The following CEMIP variants were observed in gnomAD, a reference collection of about 807,000 sequenced individuals.
The protein encoded by CEMIP is cell migration-inducing and hyaluronan-binding protein.
A neutral mutation model predicts 156.9 loss-of-function variants in CEMIP; 105 were observed. The ratio of observed to expected loss-of-function variants is 0.67; its 90% CI spans 0.57 to 0.79. The LOEUF (loss-of-function observed/expected upper bound fraction) is 0.79, where lower values mean the gene tolerates loss of function less well. CEMIP is among the 30% of genes least tolerant of loss of function. The pLI, the probability that CEMIP is intolerant of heterozygous loss-of-function variation, is 0.00. For missense variants in CEMIP, 1,457 were observed against 1,769.4 expected (o/e 0.82, Z 3.17); for synonymous variants, 676 against 668.4 (o/e 1.01, Z -0.17).
intron 1 of CEMIP, among the ~76,000 whole-genome samples, chr15:80,805,121 C>T (rs543644335): frequency 3.3e-5 from 5 of 152,040 alleles, no homozygotes; most frequent in Non-Finnish European, 7.4e-5. Flanking sequence ...GCAGGAGAGG[C>T]GGATTTATGC....
At chr15:80,905,561 G>A (rs1044824362) in intron 12 of CEMIP, among the ~76,000 whole-genome samples, 2 of 152,166 alleles carry the variant, frequency 1.3e-5, no homozygotes, top group Non-Finnish European at 2.9e-5. Context: ...AGTGATGGGA[G>A]GGAGAGAATG....
intron 29 of CEMIP, chr15:80,948,321 T>A (rs1039421874): frequency 3.8e-6 from 1 of 264,288 alleles, no homozygotes; most frequent in Non-Finnish European, 7.5e-6. Flanking sequence ...CTCCACACTC[T>A]TGGTCAAATT....
chr15:80,794,545 A>T (rs1896166363), intron 1 of CEMIP, among the ~76,000 whole-genome samples: 1 of 152,266 alleles, frequency 6.6e-6, no homozygotes, highest in African/African-American at 2.4e-5. Flanking sequence ...AACAGGTAAA[A>T]TTAATTTTAA....
intron 25 of CEMIP, among the ~76,000 whole-genome samples, chr15:80,941,158 G>A (rs1189349860): frequency 6.6e-6 from 1 of 152,078 alleles, no homozygotes; most frequent in African/African-American, 2.4e-5. Context: ...GTGAAGGGTT[G>A]GTCCCCAGAG....
At chr15:80,840,262 A>G (rs1418285541) in intron 1 of CEMIP, among the ~76,000 whole-genome samples, 2 of 152,150 alleles carry the variant, frequency 1.3e-5, no homozygotes, top group Admixed American at 1.3e-4. Context: ...GAGTAGGAGC[A>G]GAGATGACCC....
intron 3 of CEMIP, among the ~76,000 whole-genome samples, chr15:80,874,533 C>T (rs1453404208): frequency 6.6e-6 from 1 of 152,006 alleles, no homozygotes; most frequent in Non-Finnish European, 1.5e-5. Context: ...CTGTCTGGAC[C>T]ACCTGGTCTC....
intron 5 of CEMIP, among the ~76,000 whole-genome samples, chr15:80,880,409 A>G (rs542620362): frequency 1.3e-5 from 2 of 152,238 alleles, no homozygotes; most frequent in South Asian, 4.1e-4. Flanking sequence ...CTGGCTTAGG[A>G]AGATTGGGTT....
At chr15:80,791,369 T>C (rs926082191) in intron 1 of CEMIP, among the ~76,000 whole-genome samples, 1 of 152,194 alleles carries the variant, frequency 6.6e-6, no homozygotes, top group African/African-American at 2.4e-5. Context: ...CTTCTCACTC[T>C]AGATTATCGG....
intron 1 of CEMIP, among the ~76,000 whole-genome samples, chr15:80,820,960 C>T (rs1567058631): frequency 6.6e-6 from 1 of 152,186 alleles, no homozygotes. Flanking sequence ...GTGAAAGTGT[C>T]TGATACAGAG....
chr15:80,804,139 T>A (rs1203723396), intron 1 of CEMIP, among the ~76,000 whole-genome samples: 1 of 152,208 alleles, frequency 6.6e-6, no homozygotes, highest in Admixed American at 6.5e-5. Flanking sequence ...CCCCCATGAT[T>A]CAGTTACCTC....
intron 1 of CEMIP, among the ~76,000 whole-genome samples, chr15:80,851,145 G>A (rs928187805): frequency 6.6e-6 from 1 of 152,036 alleles, no homozygotes; most frequent in African/African-American, 2.4e-5. Context: ...GGAGTCCCTG[G>A]AGTGACTATG....
chr15:80,816,270 T>C (rs772457478), intron 1 of CEMIP, among the ~76,000 whole-genome samples: 7 of 152,176 alleles, frequency 4.6e-5, no homozygotes, highest in Non-Finnish European at 1.0e-4. Flanking sequence ...CACTCAGTGG[T>C]GGCTGAGGCA....
chr15:80,918,892 G>A (rs529536891), intron 14 of CEMIP, among the ~76,000 whole-genome samples: 1 of 152,174 alleles, frequency 6.6e-6, no homozygotes, highest in East Asian at 1.9e-4. Flanking sequence ...TGAGATTGAT[G>A]AGTTTAGAGA....
intron 1 of CEMIP, among the ~76,000 whole-genome samples, chr15:80,838,747 A>G (rs1210064670): frequency 6.6e-6 from 1 of 152,190 alleles, no homozygotes; most frequent in African/African-American, 2.4e-5. Flanking sequence ...TTCATAGAGT[A>G]CTTCCATGTT....
chr15:80,889,984 G>A (rs1417102061), intron 10 of CEMIP, among the ~76,000 whole-genome samples: 5 of 152,204 alleles, frequency 3.3e-5, no homozygotes, highest in Non-Finnish European at 5.9e-5. Context: ...GAGAACACAC[G>A]CATGGCCTTG....
intron 1 of CEMIP, among the ~76,000 whole-genome samples, chr15:80,853,669 G>T (rs1474506780): frequency 6.6e-6 from 1 of 152,144 alleles, no homozygotes; most frequent in Non-Finnish European, 1.5e-5. Flanking sequence ...GATTCCAAGG[G>T]CTCTAGAACA....
chr15:80,809,552 A>G (rs553716066), intron 1 of CEMIP, among the ~76,000 whole-genome samples: 8 of 152,332 alleles, frequency 5.3e-5, no homozygotes, highest in African/African-American at 1.9e-4. Context: ...CATACTTAAA[A>G]CAACACCAAG....
At chr15:80,924,469 C>CTTACTGTAG (rs1448263295) in intron 17 of CEMIP, 152 bp from the exon 18 acceptor site, 1 of 729,026 alleles carries the variant, frequency 1.4e-6, no homozygotes. Flanking sequence ...CTTCACCTCC[C>CTTACTGTAG]TTACTGTAGA....
At chr15:80,903,324 C>G (rs932331141) in intron 12 of CEMIP, among the ~76,000 whole-genome samples, 1 of 152,160 alleles carries the variant, frequency 6.6e-6, no homozygotes, top group African/African-American at 2.4e-5. Context: ...CCTGGCTCTG[C>G]TGAGCACTGC....
Sources: allele counts gnomAD v4.1 joint callset (sites outside exome capture counted in the v4.1 genomes callset), GRCh38; gene constraint gnomAD v4.1.1; transcripts MANE v1.5; gene names NCBI Gene and HGNC (gene_info 2026-07-23, HGNC 2026-07-21).